FAM117B: variants seen among roughly 807,000 people sequenced by gnomAD.
FAM117B encodes the protein protein FAM117B.
In FAM117B, 22 loss-of-function variants were observed where a neutral mutation model predicts 52.8. That is an observed-to-expected ratio of 0.42 (90% CI 0.30 to 0.59). The LOEUF is 0.59. FAM117B is among the 20% of genes least tolerant of loss of function. The probability of loss-of-function intolerance (pLI) is 0.22; values close to 1 mark genes in which losing one functional copy is unlikely to be tolerated. For synonymous variants in FAM117B, 309 were observed against 324.1 expected (o/e 0.95, Z 0.50); for missense variants, 678 against 802.6 (o/e 0.84, Z 1.88).
At chr2:202,644,420 T>A (rs1042372900) in intron 1 of FAM117B, among the ~76,000 whole-genome samples, 10 of 152,216 alleles carry the variant, frequency 6.6e-5, no homozygotes, top group Admixed American at 2.0e-4. Flanking sequence ...AGAGAGTTAC[T>A]TTTGTTTATT....
intron 4 of FAM117B, among the ~76,000 whole-genome samples, chr2:202,733,333 G>A (rs893311378): frequency 1.3e-5 from 2 of 152,096 alleles, no homozygotes; most frequent in South Asian, 2.1e-4. Flanking sequence ...CTTGATAAAC[G>A]TCTTAAACAA....
At chr2:202,655,745 A>AGTGTGT (rs1349842139) in intron 1 of FAM117B, among the ~76,000 whole-genome samples, 142 of 133,630 alleles carry the variant, frequency 1.1e-3, no homozygotes, top group African/African-American at 5.3e-3. Context: ...AGAGAGAGAG[A>AGTGTGT]GAGAGAGAGA....
intron 1 of FAM117B, among the ~76,000 whole-genome samples, chr2:202,686,636 G>C (rs115473080): frequency 6.6e-6 from 1 of 151,918 alleles, no homozygotes; most frequent in African/African-American, 2.4e-5. Flanking sequence ...GGTGAAACCC[G>C]CCTCTACTAA....
chr2:202,634,980 T>A lies in FAM117B; in HGVS notation c.-208T>A, dbSNP rs1014692721. Among the ~76,000 whole-genome samples the A allele has an allele frequency of 6.7e-6, 1 of 148,838 alleles. No individual in the cohort carries two copies. Among genetic ancestry groups the A allele is most frequent in the African/African-American group, 2.5e-5 (1 of 39,612 alleles). On this transcript the variant is annotated 5_prime_UTR_variant, in exon 1 of 8. Coordinates refer to ENST00000392238, the MANE Select transcript of FAM117B (RefSeq NM_173511.4). ...GGGGCGGGGGCAGCAGAGGAGACAC[T>A]ATTGTTGATGAGGAGCGGCGGCGGC...
rs539069770 is a variant in FAM117B at position 202,757,528 on chromosome 2, C to T, written c.1330+90C>T. 1.0e-5 allele frequency: 13 copies of T among 1,306,398 alleles called. No homozygotes were observed. The South Asian group carries it at 1.5e-4, about 15-fold the overall frequency. 80.9% of individuals were successfully genotyped at this position (1,306,398 alleles called of 1,614,324 possible). On this transcript the variant is annotated intron_variant, in intron 6 of 7. Transcript: ENST00000392238. Reference sequence around the variant, plus strand: ...TATTCATTTTCTAGCAGAACACACACACTCGAGGCTACTCAGTTAATGTGT... The same window carrying T: ...TATTCATTTTCTAGCAGAACACACATACTCGAGGCTACTCAGTTAATGTGT...
intron 1 of FAM117B, among the ~76,000 whole-genome samples, chr2:202,653,923 A>G (rs1182410719): frequency 2.0e-5 from 3 of 152,066 alleles, no homozygotes; most frequent in Non-Finnish European, 4.4e-5. Flanking sequence ...CTGTGCATGT[A>G]TATAAGCATT....
chr2:202,751,393 G>A (rs762148779), intron 4 of FAM117B, among the ~76,000 whole-genome samples: 11 of 152,178 alleles, frequency 7.2e-5, no homozygotes, highest in Non-Finnish European at 1.3e-4. Context: ...AGCTGAAAGG[G>A]TCTAACCAGG....
At chr2:202,709,205 CTT>C (rs200629877) in intron 2 of FAM117B, among the ~76,000 whole-genome samples, 7 of 143,374 alleles carry the variant, frequency 4.9e-5, no homozygotes, top group Non-Finnish European at 4.6e-5. Context: ...GTCCTTAGAC[CTT>C]TTTTTTTTTT....
At chr2:202,662,437 G>T (rs1373946975) in intron 1 of FAM117B, among the ~76,000 whole-genome samples, 2 of 152,140 alleles carry the variant, frequency 1.3e-5, no homozygotes, top group Non-Finnish European at 2.9e-5. Flanking sequence ...GTACAAAGTT[G>T]CAGTCAGGAG....
chr2:202,645,781 T>A (rs368041628), intron 1 of FAM117B, among the ~76,000 whole-genome samples: 1 of 151,828 alleles, frequency 6.6e-6, no homozygotes, highest in South Asian at 2.1e-4. Context: ...ATTTTTTGTA[T>A]TTTTAGTAGA....
intron 7 of FAM117B, among the ~76,000 whole-genome samples, chr2:202,763,906 C>T (rs939212184): frequency 2.0e-5 from 3 of 152,110 alleles, no homozygotes; most frequent in African/African-American, 7.2e-5. Flanking sequence ...ACTACCAAAC[C>T]CTCCCTCTTC....
intron 1 of FAM117B, among the ~76,000 whole-genome samples, chr2:202,685,938 T>C (rs888638206): frequency 2.0e-5 from 3 of 152,206 alleles, no homozygotes; most frequent in African/African-American, 7.2e-5. Flanking sequence ...TTGTAGTCTA[T>C]TAAAATTAAA....
intron 1 of FAM117B, among the ~76,000 whole-genome samples, chr2:202,678,602 C>T (rs994936958): frequency 6.6e-6 from 1 of 152,132 alleles, no homozygotes; most frequent in Non-Finnish European, 1.5e-5. Flanking sequence ...TCTTGTTGCC[C>T]AGGCTGGAGT....
At chr2:202,662,205 A>G (rs990229634) in intron 1 of FAM117B, among the ~76,000 whole-genome samples, 2 of 152,066 alleles carry the variant, frequency 1.3e-5, no homozygotes, top group African/African-American at 4.8e-5. Context: ...TTCAGCCATA[A>G]AACAGAATGA....
chr2:202,760,904 C>G (rs564993594), intron 7 of FAM117B, among the ~76,000 whole-genome samples: 5 of 152,266 alleles, frequency 3.3e-5, no homozygotes, highest in African/African-American at 7.2e-5. Context: ...GTGCCTGCCC[C>G]CCTCCACTGC....
chr2:202,659,870 C>T (rs1401935907), intron 1 of FAM117B, among the ~76,000 whole-genome samples: 3 of 151,792 alleles, frequency 2.0e-5, no homozygotes, highest in African/African-American at 4.8e-5. Context: ...CCACCCGCAT[C>T]GGCCTCCCAA....
At chr2:202,747,389 CCA>C (rs1160760097) in intron 4 of FAM117B, among the ~76,000 whole-genome samples, 5 of 152,050 alleles carry the variant, frequency 3.3e-5, no homozygotes, top group Admixed American at 6.5e-5. Context: ...CCCATTTTCA[CCA>C]GTTATTCAGT....
chr2:202,701,139 T>C (rs1362712153), intron 2 of FAM117B, among the ~76,000 whole-genome samples: 1 of 152,252 alleles, frequency 6.6e-6, no homozygotes, highest in Non-Finnish European at 1.5e-5. Flanking sequence ...GACTTTAAGT[T>C]GAAGCCAGTA....
At chr2:202,709,550 T>A (rs1690928289) in intron 2 of FAM117B, among the ~76,000 whole-genome samples, 1 of 152,212 alleles carries the variant, frequency 6.6e-6, no homozygotes, top group Non-Finnish European at 1.5e-5. Context: ...TGTATGTGTT[T>A]CTTACGTATT....
Sources: allele counts gnomAD v4.1 joint callset (sites outside exome capture counted in the v4.1 genomes callset), GRCh38; gene constraint gnomAD v4.1.1; transcripts MANE v1.5; gene names NCBI Gene and HGNC (gene_info 2026-07-23, HGNC 2026-07-21).